SLC6A11: variants seen among roughly 807,000 people sequenced by gnomAD.
SLC6A11 encodes the protein sodium- and chloride-dependent GABA transporter 3.
Under a neutral mutation model 74.8 loss-of-function variants are expected in SLC6A11, and 25 were observed. That is an observed-to-expected ratio of 0.33 (90% CI 0.24 to 0.47). The LOEUF (loss-of-function observed/expected upper bound fraction) is 0.47, where lower values mean the gene tolerates loss of function less well. Ranked by LOEUF, SLC6A11 falls within the 20% of genes least tolerant of loss-of-function variation. The pLI, the probability that SLC6A11 is intolerant of heterozygous loss-of-function variation, is 1.00. For synonymous variants in SLC6A11, 330 were observed against 330.2 expected (o/e 1.00, Z 0.01); for missense variants, 574 against 837.0 (o/e 0.69, Z 3.88).
At chr3:10,882,475 A>G (rs1162390285) in intron 6 of SLC6A11, among the ~76,000 whole-genome samples, 1 of 151,980 alleles carries the variant, frequency 6.6e-6, no homozygotes, top group East Asian at 1.9e-4. Context: ...ACCGTTCTCC[A>G]CCCACTAGGA....
chr3:10,894,183 A>G (rs1695142285), intron 6 of SLC6A11, among the ~76,000 whole-genome samples: 1 of 152,064 alleles, frequency 6.6e-6, no homozygotes, highest in East Asian at 1.9e-4. Context: ...TGCTGCTCCC[A>G]CTGGCTTATG....
At chr3:10,928,346 G>T (rs1480836044) in intron 9 of SLC6A11, among the ~76,000 whole-genome samples, 1 of 152,136 alleles carries the variant, frequency 6.6e-6, no homozygotes, top group Non-Finnish European at 1.5e-5. Context: ...AGGGCCCCCA[G>T]GGTGAGGGGT....
chr3:10,833,573 T>C (rs1219135570), intron 4 of SLC6A11, among the ~76,000 whole-genome samples: 1 of 152,172 alleles, frequency 6.6e-6, no homozygotes, highest in African/African-American at 2.4e-5. Context: ...GTTGAAATGC[T>C]ATTTAAAAGT....
rs112573028 is a variant in SLC6A11, at chr3:10,886,318, C to T, written c.891+11223C>T. On this transcript the variant is annotated intron_variant, in intron 6 of 13. Transcript: ENST00000254488. ...CAGGATTCAAATCAAGACTGCTCCC[C>T]GTGGCCATGGTCAAGGAGCCCTCTG... 1.6e-3 allele frequency among the ~76,000 whole-genome samples: 238 copies of T among 152,316 alleles called. 1 individual carries two copies. The highest frequency in any genetic ancestry group is 5.3e-3 in the African/African-American group (221 of 41,588).
At chr3:10,895,872 C>T (rs568717468) in intron 6 of SLC6A11, among the ~76,000 whole-genome samples, 13 of 151,598 alleles carry the variant, frequency 8.6e-5, no homozygotes, top group African/African-American at 1.2e-4. Context: ...CAAACCGCCA[C>T]GGCACACATT....
intron 6 of SLC6A11, among the ~76,000 whole-genome samples, chr3:10,901,355 T>C (rs1695237918): frequency 6.6e-6 from 1 of 152,166 alleles, no homozygotes; most frequent in Non-Finnish European, 1.5e-5. Flanking sequence ...GTGACCCTCG[T>C]TCCCTGCTCC....
chr3:10,838,389 A>G (rs892481829), intron 4 of SLC6A11, among the ~76,000 whole-genome samples: 10 of 152,190 alleles, frequency 6.6e-5, no homozygotes, highest in Non-Finnish European at 4.4e-5. Flanking sequence ...ACACCCTCCC[A>G]ACCTTGGGCT....
At chr3:10,873,689 C>CATCCTATCCTATCCT (rs796960855) in intron 5 of SLC6A11, among the ~76,000 whole-genome samples, 4,952 of 134,670 alleles carry the variant, frequency 0.037, 145 homozygotes, top group South Asian at 0.097. Context: ...TATCCCGTCC[C>CATCCTATCCTATCCT]ATCCTATCCT....
chr3:10,854,448 A>G (rs1014151425), intron 5 of SLC6A11, among the ~76,000 whole-genome samples: 5 of 152,204 alleles, frequency 3.3e-5, no homozygotes, highest in African/African-American at 4.8e-5. Flanking sequence ...TCCCACCACC[A>G]TACATTCTCT....
chr3:10,899,417 A>G (rs958469), intron 6 of SLC6A11, among the ~76,000 whole-genome samples: 2 of 152,102 alleles, frequency 1.3e-5, no homozygotes, highest in African/African-American at 4.8e-5. Context: ...GAATTGAGTA[A>G]TATCTTCCTG....
rs564539388 is a variant in SLC6A11 at position 10,926,813 on chromosome 3, G to A, written c.1233+697G>A. Among the ~76,000 whole-genome samples the A allele has an allele frequency of 1.3e-4, 20 of 152,158 alleles. No homozygotes were observed. The highest frequency in any genetic ancestry group is 2.1e-4 in the Non-Finnish European group (14 of 67,996). Reference sequence around the variant, plus strand: ...CTCCAGACTCCCATCCCAGGTCCCCGGCCTCTTTCCCAGACCATTCCCCCA... The same window carrying A: ...CTCCAGACTCCCATCCCAGGTCCCCAGCCTCTTTCCCAGACCATTCCCCCA... On this transcript the variant is annotated intron_variant, in intron 9 of 13. Transcript: ENST00000254488. The surrounding 1 kb of genome is among the most constrained non-coding windows in gnomAD (Gnocchi z 5.7).
intron 6 of SLC6A11, among the ~76,000 whole-genome samples, chr3:10,905,831 C>A (rs1210345928): frequency 6.6e-6 from 1 of 152,108 alleles, no homozygotes; most frequent in African/African-American, 2.4e-5. Context: ...CTGCTATGCC[C>A]AAATGAGCAT....
In SLC6A11 at chr3:10,844,302, A is replaced by C. The variant is rs747540325; in HGVS notation, c.712A>C (p.Ile238Leu). The C allele has an allele frequency of 6.2e-7, 1 of 1,614,182 alleles. No homozygotes were observed. The highest frequency in any genetic ancestry group is 1.1e-5 in the South Asian group (1 of 91,086). The change falls in exon 5 of 14, where the codon ATC (isoleucine) becomes CTC (leucine). Residue 238 changes from isoleucine to leucine, a missense_variant. Coordinates refer to ENST00000254488, the MANE Select transcript of SLC6A11 (RefSeq NM_014229.3). ...CTTGTGTCTCTTGGCAGCCTGGACCATCTGTTACTTCTGTATCTGGAAGGG... is the reference window on the plus strand; with the variant it reads ...CTTGTGTCTCTTGGCAGCCTGGACCCTCTGTTACTTCTGTATCTGGAAGGG... ...LALCLLAAWT[I>L]CYFCIWKGTK...
At position 10,826,712 on chromosome 3, in the gene SLC6A11, G is replaced by A. The variant is rs905485218; in HGVS notation, c.623+3320G>A. Among the ~76,000 whole-genome samples the A allele has an allele frequency of 3.9e-5, 6 of 152,312 alleles. 1 individual carries two copies. The highest frequency in any genetic ancestry group is 2.4e-5 in the African/African-American group (1 of 41,562). ...AAGAAGGCAGACAGGCAGGCAATAT[G>A]TCCTAGAAAATATTATATGAGAAGA... is the stretch of plus-strand genomic sequence containing the variant. On this transcript the variant is annotated intron_variant, in intron 4 of 13. Coordinates refer to ENST00000254488, the MANE Select transcript of SLC6A11 (RefSeq NM_014229.3).
chr3:10,906,638 T>G (rs1360845800), intron 6 of SLC6A11, among the ~76,000 whole-genome samples: 5 of 152,142 alleles, frequency 3.3e-5, no homozygotes. Context: ...GCAGCAAATT[T>G]GGGCAGAGGT....
chr3:10,851,131 G>A (rs1360572858), intron 5 of SLC6A11, among the ~76,000 whole-genome samples: 4 of 151,884 alleles, frequency 2.6e-5, no homozygotes, highest in Admixed American at 6.6e-5. Flanking sequence ...GCTGGCTCCT[G>A]TTCCTTGCTC....
At chr3:10,873,807 GCTATCCTATCCTATC>G (rs1216313078) in intron 5 of SLC6A11, among the ~76,000 whole-genome samples, 2 of 131,828 alleles carry the variant, frequency 1.5e-5, no homozygotes, top group East Asian at 4.1e-4. Flanking sequence ...CCTATCCTAT[GCTATCCTATCCTATC>G]CTATCCTATA....
rs777267638 is a variant in SLC6A11, at chr3:10,819,437, T to C, written c.257-28T>C. 2.5e-6 allele frequency: 4 copies of C among 1,595,990 alleles called. No homozygotes were observed. The East Asian group carries it at 8.9e-5, about 36-fold the overall frequency. On this transcript the variant is annotated intron_variant, in intron 1 of 13. Transcript: ENST00000254488. ...CAAGTATGAATCGGCAGGGACAGTT[T>C]TCATTTCATTCCTTTGCATCCTTAC...
intron 6 of SLC6A11, among the ~76,000 whole-genome samples, chr3:10,882,956 C>G (rs1007202393): frequency 6.6e-6 from 1 of 151,974 alleles, no homozygotes; most frequent in African/African-American, 2.4e-5. Flanking sequence ...GCCTGGGAGC[C>G]AGAAGAGCTC....
Sources: allele counts gnomAD v4.1 joint callset (sites outside exome capture counted in the v4.1 genomes callset), GRCh38; gene constraint gnomAD v4.1.1; non-coding constraint Gnocchi (gnomAD v3.1); transcripts MANE v1.5; gene names NCBI Gene and HGNC (gene_info 2026-07-23, HGNC 2026-07-21).